Variants in WDR89 observed in about 807,000 individuals in gnomAD.
The protein encoded by WDR89 is WD repeat domain 89, also known as WD repeat-containing protein 89.
WDR89 carries 17 observed loss-of-function variants against 29.1 expected under a neutral mutation model. The ratio of observed to expected loss-of-function variants is 0.58; its 90% CI spans 0.40 to 0.88. WDR89 has a LOEUF of 0.88. Among genes scored for constraint, WDR89 ranks in the 40% least tolerant of loss-of-function variants. The pLI is 0.00. For synonymous variants in WDR89, 138 were observed against 157.8 expected, an observed-to-expected ratio of 0.87 and a Z score of 0.94; for missense variants, 396 against 456.3, an observed-to-expected ratio of 0.87 and a Z score of 1.20.
chr14:63,628,767 C>T (rs886167391), intron 1 of WDR89, among the ~76,000 whole-genome samples: 2 of 152,092 alleles, frequency 1.3e-5, no homozygotes, highest in African/African-American at 4.8e-5. Context: ...TTGAGACCAG[C>T]CTGGGCAACA....
At chr14:63,616,269 A>G (rs1882299438) in intron 2 of WDR89, among the ~76,000 whole-genome samples, 1 of 152,128 alleles carries the variant, frequency 6.6e-6, no homozygotes, top group Non-Finnish European at 1.5e-5. Flanking sequence ...CTCAATACCA[A>G]AACCAAACCA....
chr14:63,607,568 A>C (rs781335731), intron 2 of WDR89, among the ~76,000 whole-genome samples: 1 of 152,170 alleles, frequency 6.6e-6, no homozygotes, highest in Non-Finnish European at 1.5e-5. Context: ...TCAGTTATAC[A>C]TATTTTACTG....
chr14:63,599,095 T>C lies in WDR89; in HGVS notation c.848A>G (p.His283Arg). Residue 283 changes from histidine to arginine, a missense_variant, in exon 3 of 3, where the codon CAT becomes CGT. By Grantham distance (29) the His-to-Arg change is conservative. Coordinates refer to ENST00000620954, the MANE Select transcript of WDR89 (RefSeq NM_080666.4). ...AACATGCAATGTGTCTGTCTTTTCATGATATAGGCCACCAATCAAATAGTC... is the reference window on the plus strand; with the variant it reads ...AACATGCAATGTGTCTGTCTTTTCACGATATAGGCCACCAATCAAATAGTC... ...ALDYLIGGLY[H>R]EKTDTLHVIG... The C allele has an allele frequency of 5.0e-6, 8 of 1,614,146 alleles. No individual in the cohort carries two copies. Among genetic ancestry groups the C allele is most frequent in the East Asian group, 2.2e-5 (1 of 44,886 alleles).
At chr14:63,632,370 C>T (rs764094026) in intron 1 of WDR89, among the ~76,000 whole-genome samples, 8 of 152,174 alleles carry the variant, frequency 5.3e-5, no homozygotes, top group Non-Finnish European at 1.2e-4. Flanking sequence ...ATGGCTCCTG[C>T]CCCTTATCCC....
At chr14:63,632,307 T>A (rs1343574199) in intron 1 of WDR89, among the ~76,000 whole-genome samples, 1 of 151,664 alleles carries the variant, frequency 6.6e-6, no homozygotes, top group African/African-American at 2.4e-5. Flanking sequence ...GATTCTGTTA[T>A]CAGACTATAG....
chr14:63,613,105 G>A (rs964522767), intron 2 of WDR89, among the ~76,000 whole-genome samples: 3 of 152,132 alleles, frequency 2.0e-5, no homozygotes, highest in Non-Finnish European at 4.4e-5. Flanking sequence ...CTGCTGGCTC[G>A]ATGGAGAAGA....
chr14:63,620,004 C>CAAAAAAAAAAAA (rs71120271), intron 2 of WDR89, among the ~76,000 whole-genome samples: 16 of 72,442 alleles, frequency 2.2e-4, no homozygotes, highest in African/African-American at 5.1e-4. Flanking sequence ...GACTCCATCT[C>CAAAAAAAAAAAA]AAAAAAAAAA....
At chr14:63,619,469 T>C (rs1226619300) in intron 2 of WDR89, among the ~76,000 whole-genome samples, 2 of 151,868 alleles carry the variant, frequency 1.3e-5, no homozygotes, top group Non-Finnish European at 2.9e-5. Flanking sequence ...TATCAAGAAA[T>C]GAGGCAAAAA....
chr14:63,614,553 T>C (rs1882188139), intron 2 of WDR89, among the ~76,000 whole-genome samples: 2 of 152,252 alleles, frequency 1.3e-5, no homozygotes, highest in African/African-American at 4.8e-5. Flanking sequence ...TTATTAACAT[T>C]TCAGAGAAAG....
At chr14:63,634,979 G>C (rs991092341) in intron 1 of WDR89, among the ~76,000 whole-genome samples, 1 of 151,352 alleles carries the variant, frequency 6.6e-6, no homozygotes. Flanking sequence ...AGAGGTTGCA[G>C]TGAGCTGAGA....
In WDR89 at chr14:63,613,821, C is replaced by CTT. The variant is rs751893850; in HGVS notation, c.-32+11105_-32+11106dup. On this transcript the variant is annotated intron_variant, in intron 2 of 2. Coordinates refer to ENST00000620954, the MANE Select transcript of WDR89 (RefSeq NM_080666.4). The stretch of plus-strand genomic sequence containing the variant: ...GGCCACTGCTGAAATTTTTAAACAT[C>CTT]TTTTTTTTTTTTTTTTTTTTTTAAT... Among the ~76,000 whole-genome samples the CTT allele has an allele frequency of 1.2e-3, 145 of 121,036 alleles. 2 individuals are homozygous for CTT. Among genetic ancestry groups the CTT allele is most frequent in the African/African-American group, 3.4e-3 (112 of 33,214 alleles). 79.4% of individuals were successfully genotyped at this position (121,036 alleles called of 152,430 possible). A position where few individuals can be genotyped will look rare whatever the true frequency, so the allele number is the denominator to read the frequency against.
chr14:63,609,633 T>C (rs936766714), intron 2 of WDR89, among the ~76,000 whole-genome samples: 1 of 151,724 alleles, frequency 6.6e-6, no homozygotes, highest in African/African-American at 2.4e-5. Context: ...CTACCAAAAA[T>C]ACAAAAATTA....
chr14:63,612,477 G>C (rs1882051558), intron 2 of WDR89, among the ~76,000 whole-genome samples: 1 of 151,942 alleles, frequency 6.6e-6, no homozygotes, highest in African/African-American at 2.4e-5. Context: ...CCGGGTTCAA[G>C]CGATTATCCT....
chr14:63,602,729 G>A (rs186865067), intron 2 of WDR89, among the ~76,000 whole-genome samples: 138 of 149,502 alleles, frequency 9.2e-4, no homozygotes, highest in Non-Finnish European at 1.6e-3. Flanking sequence ...CCGAGATCGC[G>A]CCGTTGCACT....
At chr14:63,636,245 A>G (rs992766646) in intron 1 of WDR89, among the ~76,000 whole-genome samples, 2 of 152,188 alleles carry the variant, frequency 1.3e-5, no homozygotes, top group South Asian at 4.1e-4. Flanking sequence ...GAAAACTACA[A>G]AACACTGCTG....
intron 2 of WDR89, among the ~76,000 whole-genome samples, chr14:63,614,156 G>T (rs1332369304): frequency 2.6e-5 from 4 of 152,010 alleles, no homozygotes; most frequent in African/African-American, 9.7e-5. Context: ...TAAGGGGGGA[G>T]TATTAGCAGA....
intron 2 of WDR89, among the ~76,000 whole-genome samples, chr14:63,604,683 A>G (rs1307095918): frequency 6.6e-6 from 1 of 152,244 alleles, no homozygotes; most frequent in African/African-American, 2.4e-5. Context: ...TAATTTTTAA[A>G]AAGTCCTGTT....
chr14:63,598,976 T>C lies in WDR89; in HGVS notation c.967A>G (p.Thr323Ala), dbSNP rs1201830923. ...ACATTCCAACAGAAAGAACGGACTG[T>C]AGCAGCATGCCCTCCCTGAAGGCTA... ...VTSLQGGHAA[T>A]VRSFCWNVQD... Residue 323 changes from threonine to alanine, a missense_variant, in exon 3 of 3, where the codon ACA becomes GCA. Transcript: ENST00000620954. 6.2e-7 allele frequency: 1 copy of C among 1,614,210 alleles called. No homozygotes were observed. The highest frequency in any genetic ancestry group is 2.2e-5 in the East Asian group (1 of 44,884).
rs778623681 is a variant in WDR89 at position 63,599,082 on chromosome 14, G to C, written c.861C>G (p.Asp287Glu). The part of the protein sequence containing the change: ...LIGGLYHEKT[D>E]TLHVIGGTNK... ...TTGTTCCTCCAATAACATGCAATGT[G>C]TCTGTCTTTTCATGATATAGGCCAC... Residue 287 changes from aspartate to glutamate, a missense_variant, in exon 3 of 3, where the codon GAC (aspartate) becomes GAG (glutamate). Transcript: ENST00000620954. 6.2e-7 allele frequency: 1 copy of C among 1,614,118 alleles called. No individual in the cohort carries two copies. Among genetic ancestry groups the C allele is most frequent in the African/African-American group, 1.3e-5 (1 of 75,040 alleles).
Sources: allele counts gnomAD v4.1 joint callset (sites outside exome capture counted in the v4.1 genomes callset), GRCh38; gene constraint gnomAD v4.1.1; transcripts MANE v1.5; gene names NCBI Gene and HGNC (gene_info 2026-07-23, HGNC 2026-07-21).